Variants in ZNF584 observed in about 807,000 individuals in gnomAD.
ZNF584 encodes the protein zinc finger protein 584.
A neutral mutation model predicts 14.7 loss-of-function variants in ZNF584; 12 were observed. That is an observed-to-expected ratio of 0.82 (90% CI 0.52 to 1.32). The LOEUF (loss-of-function observed/expected upper bound fraction) is 1.32. Ranked by LOEUF, ZNF584 falls within the 40% of genes most tolerant of loss-of-function variation. The probability of loss-of-function intolerance (pLI) is 0.00; values close to 1 mark genes in which losing one functional copy is unlikely to be tolerated. For missense variants in ZNF584, 478 were observed against 518.8 expected, an observed-to-expected ratio of 0.92 and a Z score of 0.76; for synonymous variants, 204 against 190.9, an observed-to-expected ratio of 1.07 and a Z score of -0.57.
At chr19:58,404,928 C>T (rs2052455369), upstream of ZNF584, 1 of 156,746 alleles carries the variant, frequency 6.4e-6, no homozygotes, top group Admixed American at 6.6e-5. Context: ...TCCTCACTTC[C>T]CAGTAGGGGC....
chr19:58,413,052 C>G (rs75999937), intron 2 of ZNF584, among the ~76,000 whole-genome samples: 2,166 of 152,220 alleles, frequency 0.014, 22 homozygotes, highest in Non-Finnish European at 0.021. Context: ...TTTTGTCACT[C>G]TAGGTAAACA....
Position 58,409,985 on chromosome 19 carries a change from T to G in ZNF584, c.63T>G (p.Asp21Glu). The part of the protein sequence containing the change: ...PSLQGLVMFE[D>E]VTVYFSREEW... ...TGCAGGGCTTGGTGATGTTTGAGGATGTGACGGTATATTTCTCCAGGGAGG... is the reference window on the plus strand; with the variant it reads ...TGCAGGGCTTGGTGATGTTTGAGGAGGTGACGGTATATTTCTCCAGGGAGG... Residue 21 changes from aspartate to glutamate, a missense_variant, in exon 2 of 4, where the codon GAT (aspartate) becomes GAG (glutamate). Around this residue, in one of 3 missense-constraint regions of ZNF584, gnomAD observed 189 missense variants for 177.9 expected, o/e 1.06. Transcript: ENST00000306910. 1 of 1,614,078 alleles carries G rather than the reference T, an allele frequency of 6.2e-7. No individual in the cohort carries two copies. The highest frequency in any genetic ancestry group is 8.5e-7 in the Non-Finnish European group (1 of 1,180,000).
At chr19:58,409,205 A>G (rs1259829036) in intron 1 of ZNF584, 40 bp downstream of exon 1, 6 of 1,402,328 alleles carry the variant, frequency 4.3e-6, no homozygotes, top group Non-Finnish European at 5.6e-6. Flanking sequence ...GGGGCCCACC[A>G]GGTGGGGGGC....
intron 2 of ZNF584, among the ~76,000 whole-genome samples, chr19:58,414,201 T>C (rs1387018207): frequency 6.6e-6 from 1 of 152,208 alleles, no homozygotes; most frequent in Non-Finnish European, 1.5e-5. Context: ...TTTTTAGGAA[T>C]GTTTTGTTTA....
chr19:58,413,357 A>C (rs575820565), intron 2 of ZNF584, among the ~76,000 whole-genome samples: 1 of 145,612 alleles, frequency 6.9e-6, no homozygotes, highest in Non-Finnish European at 1.5e-5. Context: ...TTTTTTTTTA[A>C]TTTTTCTTTT....
In ZNF584 at chr19:58,417,552, G is replaced by A. The variant is rs767418840; in HGVS notation, c.1034G>A (p.Trp345Ter). Residue 345 changes from tryptophan (W) to a stop codon, truncating the protein, a stop_gained, in exon 4 of 4, where the codon TGG (tryptophan) becomes TAG (stop). Coordinates refer to ENST00000306910, the MANE Select transcript of ZNF584 (RefSeq NM_173548.3). LOFTEE classifies it low-confidence loss of function (END_TRUNC). ...ACCCGTTCAGGCCTCTATCAGCACTGGAAAGTCCACACTGGGGAACGGCCC... is the reference window on the plus strand; with the variant it reads ...ACCCGTTCAGGCCTCTATCAGCACTAGAAAGTCCACACTGGGGAACGGCCC... ...YVTRSGLYQH[W>*]KVHTGERPYE... is the part of the protein sequence containing the mutation. 17 of 1,614,090 alleles carry A rather than the reference G, an allele frequency of 1.1e-5. No homozygotes were observed. The East Asian group carries it at 3.8e-4, about 36-fold the overall frequency.
rs1312562387 is a variant in ZNF584 at position 58,408,901 on chromosome 19, C to G, written c.-247C>G. On this transcript the variant is annotated 5_prime_UTR_variant, in exon 1 of 4. Transcript: ENST00000306910. Reference sequence around the variant, plus strand: ...TTGCCGCGCCTTCCACGCGCCGTGCCCCACCGGCGAGTGGCTCCATCTTCC... The same window carrying G: ...TTGCCGCGCCTTCCACGCGCCGTGCGCCACCGGCGAGTGGCTCCATCTTCC... The G allele has an allele frequency of 9.6e-6, 4 of 418,364 alleles. No homozygotes were observed. In the Admixed American group the frequency reaches 1.8e-4, roughly 19 times the overall value. 25.9% of individuals were successfully genotyped at this position (418,364 alleles called of 1,614,324 possible). A position where few individuals can be genotyped will look rare whatever the true frequency, so the allele number is the denominator to read the frequency against.
chr19:58,412,197 G>GTTTTTT (rs1555785792), intron 2 of ZNF584, among the ~76,000 whole-genome samples: 2 of 97,978 alleles, frequency 2.0e-5, no homozygotes, highest in African/African-American at 1.1e-4. Context: ...GGCCAGGGTG[G>GTTTTTT]TCTTTTTTTT....
chr19:58,405,906 C>G (rs1188311809), upstream of ZNF584: 1 of 168,202 alleles, frequency 5.9e-6, no homozygotes, highest in Admixed American at 6.4e-5. Context: ...AGATGATGGG[C>G]GGCCAGGCGG....
intron 2 of ZNF584, among the ~76,000 whole-genome samples, chr19:58,410,555 A>G (rs1481549937): frequency 0.013 from 352 of 26,882 alleles, 109 homozygotes; most frequent in African/African-American, 0.11. Context: ...ATATATATAT[A>G]TATGTGTATA....
chr19:58,410,778 ATTTTTTTTTTT>A (rs869150389), intron 2 of ZNF584, among the ~76,000 whole-genome samples: 1 of 8,946 alleles, frequency 1.1e-4, no homozygotes, highest in Non-Finnish European at 1.7e-4. Context: ...TATATATATA[ATTTTTTTTTTT>A]TTTTTTTTTT....
At position 58,417,998 on chromosome 19, in the gene ZNF584, A is replaced by G; in HGVS notation, c.*214A>G. 1.7e-6 allele frequency: 1 copy of G among 587,740 alleles called. No individual in the cohort carries two copies. Among genetic ancestry groups the G allele is most frequent in the Non-Finnish European group, 3.0e-6 (1 of 336,238 alleles). 36.4% of individuals were successfully genotyped at this position (587,740 alleles called of 1,614,324 possible). A position where few individuals can be genotyped will look rare whatever the true frequency, so the allele number is the denominator to read the frequency against. Reference sequence around the variant, plus strand: ...CAGTGTCACATCACTGAGTTTATCCACCGCCATCCACCTCTATCCACCCCA... The same window carrying G: ...CAGTGTCACATCACTGAGTTTATCCGCCGCCATCCACCTCTATCCACCCCA... On this transcript the variant is annotated 3_prime_UTR_variant, in exon 4 of 4. Coordinates refer to ENST00000306910, the MANE Select transcript of ZNF584 (RefSeq NM_173548.3).
At chr19:58,403,502 G>T (rs2052444180) in intron 1 of ZNF584, among the ~76,000 whole-genome samples, 1 of 132,758 alleles carries the variant, frequency 7.5e-6, no homozygotes, top group Admixed American at 7.7e-5. Flanking sequence ...TGACTGCCAG[G>T]GACTCAGTGG....
At chr19:58,416,789 A>G (rs767347597) in intron 3 of ZNF584, 22 bp from the exon 4 acceptor site, 1 of 1,525,684 alleles carries the variant, frequency 6.6e-7, no homozygotes, top group South Asian at 1.3e-5. Flanking sequence ...AACTCTTAGT[A>G]ATGATTCATC....
intron 2 of ZNF584, among the ~76,000 whole-genome samples, chr19:58,414,915 C>CA (rs1321300372): frequency 2.0e-5 from 3 of 151,696 alleles, no homozygotes; most frequent in African/African-American, 7.3e-5. Flanking sequence ...GTTTTTGAGA[C>CA]AGAGTCTCGC....
chr19:58,407,381 C>T (rs3826682), upstream of ZNF584: 26,791 of 152,302 alleles, frequency 0.18, 2,608 homozygotes, highest in Non-Finnish European at 0.22. Flanking sequence ...CCACACGCAC[C>T]CATGTCAGTG....
At chr19:58,412,197 G>GCCTTTTTTTTTTTTTTTTTTTTTTTT (rs1225346355) in intron 2 of ZNF584, among the ~76,000 whole-genome samples, 1 of 97,980 alleles carries the variant, frequency 1.0e-5, no homozygotes, top group African/African-American at 5.6e-5. Flanking sequence ...GGCCAGGGTG[G>GCCTTTTTTTTTTTTTTTTTTTTTTTT]TCTTTTTTTT....
Position 58,417,900 on chromosome 19 carries a change from GT to G in ZNF584, c.*118del. On this transcript the variant is annotated 3_prime_UTR_variant, in exon 4 of 4. Transcript: ENST00000306910. The stretch of plus-strand genomic sequence containing the variant: ...CATCCCAACACCCACCCCAGGGAGA[GT>G]TCCCGTGTGTGCCTGGTGTGTGGGA... The G allele has an allele frequency of 7.7e-7, 1 of 1,306,258 alleles. No individual in the cohort carries two copies. The highest frequency in any genetic ancestry group is 1.0e-6 in the Non-Finnish European group (1 of 952,946). 80.9% of individuals were successfully genotyped at this position (1,306,258 alleles called of 1,614,324 possible).
chr19:58,411,351 A>AC (rs2052569674), intron 2 of ZNF584, among the ~76,000 whole-genome samples: 1 of 150,898 alleles, frequency 6.6e-6, no homozygotes, highest in African/African-American at 2.4e-5. Flanking sequence ...ACATGGTGAA[A>AC]CCCCATCTCT....
Sources: gnomAD v4.1 joint callset for allele counts (sites outside exome capture counted in the v4.1 genomes callset) on GRCh38, gnomAD v4.1.1 for gene constraint, gnomAD v4.1.1 regional missense constraint, MANE v1.5 for transcripts, NCBI Gene and HGNC (gene_info 2026-07-23, HGNC 2026-07-21) for gene names.